COL6A1: variants seen among roughly 807,000 people sequenced by gnomAD.
COL6A1 encodes collagen type VI alpha 1 chain, also known as collagen alpha-1(VI) chain.
COL6A1 carries 80 observed loss-of-function variants against 145.6 expected under a neutral mutation model. The observed-to-expected ratio is 0.55, with a 90% CI of 0.46 to 0.66. The LOEUF (loss-of-function observed/expected upper bound fraction) is 0.66. Among genes scored for constraint, COL6A1 ranks in the 30% least tolerant of loss-of-function variants. COL6A1 has a pLI of 0.00. For synonymous variants in COL6A1, 638 were observed against 622.8 expected (o/e 1.02, Z -0.36); for missense variants, 1,364 against 1,473.8 (o/e 0.93, Z 1.22).
At chr21:45,999,900 G>GACATGTGAGGATCATGGAGGGC (rs2077829631) in intron 27 of COL6A1, among the ~76,000 whole-genome samples, 1 of 65,286 alleles carries the variant, frequency 1.5e-5, no homozygotes, top group Non-Finnish European at 3.3e-5. Flanking sequence ...CCATAGAGGG[G>GACATGTGAGGATCATGGAGGGC]ACATGTGAGG....
chr21:45,986,976 C>A lies in COL6A1; in HGVS notation c.621C>A (p.His207Gln), dbSNP rs866987981. The A allele has an allele frequency of 1.0e-5, 16 of 1,552,280 alleles. No individual in the cohort carries two copies. In the African/African-American group the frequency reaches 1.8e-4, roughly 17 times the overall value. Residue 207 changes from histidine (H) to glutamine (Q), a missense_variant, in exon 5 of 35, where the codon CAC (histidine) becomes CAA (glutamine). By Grantham distance (24) the His-to-Gln change is conservative. This residue lies in a region of COL6A1 where 414 missense variants were observed against 437.6 expected (regional missense o/e 0.95). Transcript: ENST00000361866. ...GTCTGAGCATCATCGCCACGGACCA[C>A]ACGTACCGGCGCAACTTCACGGCGG... is the stretch of plus-strand genomic sequence containing the variant. Reference protein sequence around the residue: ...EPRLSIIATDHTYRRNFTAAD... With the variant: ...EPRLSIIATDQTYRRNFTAAD...
Position 45,997,765 on chromosome 21 carries a change from G to A in COL6A1, c.1524+3G>A. On this transcript the variant is annotated splice_donor_region_variant and intron_variant, in intron 22 of 34. Coordinates refer to ENST00000361866, the MANE Select transcript of COL6A1 (RefSeq NM_001848.3). ...ACCCGGGGCTGATGGGTGAAAGGGT[G>A]AGTGTCCAACAGCTCGGGCCCTAGG... 6.3e-7 allele frequency: 1 copy of A among 1,587,598 alleles called. No individual in the cohort carries two copies. The highest frequency in any genetic ancestry group is 8.6e-7 in the Non-Finnish European group (1 of 1,167,122).
rs938942835 is a variant in COL6A1 at position 45,981,782 on chromosome 21, C to A, written c.-69C>A. 1.1e-5 allele frequency: 13 copies of A among 1,236,920 alleles called. No individual in the cohort carries two copies. The highest frequency in any genetic ancestry group is 2.7e-5 in the South Asian group (2 of 74,104). The allele number at this position is 1,236,920 out of a possible 1,614,324, so 76.6% of individuals were successfully genotyped here. ...TCTGGCTGGGAGCAGAAGGCAGCCT[C>A]GGTCTCTGGGCGGCGGCGGCGGCCC... On this transcript the variant is annotated 5_prime_UTR_variant, in exon 1 of 35. Coordinates refer to ENST00000361866, the MANE Select transcript of COL6A1 (RefSeq NM_001848.3).
chr21:45,998,657 G>A (rs551650396), intron 24 of COL6A1, among the ~76,000 whole-genome samples: 6 of 152,266 alleles, frequency 3.9e-5, no homozygotes, highest in East Asian at 1.9e-4. Context: ...GTCTCCTCAC[G>A]GCCCTGACTG....
chr21:46,000,704 A>G, intron 28 of COL6A1, 55 bp from the exon 29 acceptor site: 1 of 1,613,372 alleles, frequency 6.2e-7, no homozygotes, highest in Non-Finnish European at 8.5e-7. Flanking sequence ...AGCCTTTCTG[A>G]CGTGCGCAGG....
intron 30 of COL6A1, 47 bp from the exon 31 acceptor site, chr21:46,001,914 G>A (rs750193174): frequency 1.9e-5 from 29 of 1,548,624 alleles, no homozygotes; most frequent in African/African-American, 6.8e-5. Context: ...AAGCTTATGC[G>A]GACCTGGGGC....
Position 46,003,982 on chromosome 21 carries a change from A to G in COL6A1, c.3056A>G (p.Gln1019Arg), listed in dbSNP as rs751518356. The change falls in exon 35 of 35, where the codon CAG becomes CGG. Residue 1019 changes from glutamine to arginine, a missense_variant. This residue lies in a region of COL6A1 where 938 missense variants were observed against 1,003.8 expected (regional missense o/e 0.93). Coordinates refer to ENST00000361866, the MANE Select transcript of COL6A1 (RefSeq NM_001848.3). ...YQALLRGVFHQTVSRKVALG is the reference protein window; with the variant it reads ...YQALLRGVFHRTVSRKVALG ...GCCCTGCTCCGCGGTGTCTTCCACC[A>G]GACAGTCTCCAGGAAGGTGGCGCTG... is the stretch of plus-strand genomic sequence containing the variant. The G allele has an allele frequency of 3.5e-5, 57 of 1,613,000 alleles. No individual in the cohort carries two copies. The highest frequency in any genetic ancestry group is 4.7e-5 in the Non-Finnish European group (55 of 1,180,008).
At chr21:45,992,315 C>T (rs1387805084) in intron 17 of COL6A1, 48 bp from the exon 18 acceptor site, 7 of 1,613,672 alleles carry the variant, frequency 4.3e-6, no homozygotes, top group Admixed American at 3.3e-5. Context: ...AGACCAAATG[C>T]AGTGTGTCCA....
Position 45,994,544 on chromosome 21 carries a change from G to T in COL6A1, c.1398+315G>T, listed in dbSNP as rs1169774841. 6.6e-6 allele frequency among the ~76,000 whole-genome samples: 1 copy of T among 152,120 alleles called. No individual in the cohort carries two copies. The highest frequency in any genetic ancestry group is 2.4e-5 in the African/African-American group (1 of 41,408). The stretch of plus-strand genomic sequence containing the variant: ...CTCACAGTGAGGAAGAGGTGTTGGA[G>T]CCCCTGGGAGACACTGGGAGCTTGG... On this transcript the variant is annotated intron_variant, in intron 20 of 34. Coordinates refer to ENST00000361866, the MANE Select transcript of COL6A1 (RefSeq NM_001848.3). This position sits in a 1 kb window ranked among gnomAD's most constrained non-coding sequence, Gnocchi z 6.8.
chr21:45,987,245 C>T lies in COL6A1; in HGVS notation c.738+70C>T, dbSNP rs1008540059. On this transcript the variant is annotated intron_variant, in intron 6 of 34. Transcript: ENST00000361866. ...CCACCCACACGTCCACCTGTGTGTT[C>T]AGGACGCATGTCCCTATGCATATCC... The T allele has an allele frequency of 4.4e-6, 7 of 1,573,848 alleles. No individual in the cohort carries two copies. In the African/African-American group the frequency reaches 9.4e-5, roughly 21 times the overall value.
At chr21:46,000,922 A>G (rs1485121533) in intron 29 of COL6A1, 155 bp downstream of exon 29, 23 of 994,804 alleles carry the variant, frequency 2.3e-5, no homozygotes, top group South Asian at 5.2e-5. Context: ...GCTCCAAGCC[A>G]GCAGGGTTCC....
chr21:45,991,444 G>A (rs1262140583), intron 15 of COL6A1, among the ~76,000 whole-genome samples: 3 of 151,982 alleles, frequency 2.0e-5, no homozygotes, highest in South Asian at 2.1e-4. Flanking sequence ...GTGAGCGGGG[G>A]CGGGAGGAGG....
intron 2 of COL6A1, among the ~76,000 whole-genome samples, chr21:45,983,418 C>T (rs2077719673): frequency 1.3e-5 from 2 of 152,122 alleles, no homozygotes; most frequent in South Asian, 4.2e-4. Context: ...TAGAACGGGG[C>T]TCCCCCACTG....
At chr21:45,986,853 C>G in intron 4 of COL6A1, 91 bp from the exon 5 acceptor site, 1 of 1,529,006 alleles carries the variant, frequency 6.5e-7, no homozygotes, top group South Asian at 1.2e-5. Flanking sequence ...CTGGAGCGCC[C>G]CAGCCCAGCC....
chr21:45,984,234 G>T, intron 2 of COL6A1, 35 bp from the exon 3 acceptor site: 1 of 1,571,474 alleles, frequency 6.4e-7, no homozygotes, highest in Non-Finnish European at 8.6e-7. Context: ...GCCAGGGGCC[G>T]CCCGCCTCAC....
rs993223888 is a variant in COL6A1 at position 45,992,283 on chromosome 21, C to T, written c.1236+66C>T. 1.4e-5 allele frequency: 22 copies of T among 1,613,216 alleles called. No individual in the cohort carries two copies. In the African/African-American group the frequency reaches 1.6e-4, roughly 12 times the overall value. On this transcript the variant is annotated intron_variant, in intron 17 of 34. Coordinates refer to ENST00000361866, the MANE Select transcript of COL6A1 (RefSeq NM_001848.3). ...GCCTCAGCTTCTGATCCTCTTTGCT[C>T]GGGGTCTACTCCACGTCCCTGAGAC...
intron 17 of COL6A1, 45 bp downstream of exon 17, chr21:45,992,262 C>T: frequency 1.2e-6 from 2 of 1,613,646 alleles, no homozygotes; most frequent in Non-Finnish European, 1.7e-6. Flanking sequence ...TGCATGGCCT[C>T]AGCTTCTGAT....
At chr21:45,999,107 G>A (rs1168956119) in intron 25 of COL6A1, 46 bp from the exon 26 acceptor site, 26 of 1,557,600 alleles carry the variant, frequency 1.7e-5, no homozygotes, top group Non-Finnish European at 2.1e-5. Flanking sequence ...GCGCGCAGAT[G>A]CCCGGGTGGT....
At chr21:45,998,035 G>A (rs1026399505) in intron 22 of COL6A1, 86 bp from the exon 23 acceptor site, 29 of 1,522,460 alleles carry the variant, frequency 1.9e-5, no homozygotes, top group East Asian at 2.4e-5. Flanking sequence ...GGGGCCCTGC[G>A]GGTGAGGTGC....
Sources: gnomAD v4.1 joint callset for allele counts (sites outside exome capture counted in the v4.1 genomes callset) on GRCh38, gnomAD v4.1.1 for gene constraint, gnomAD v4.1.1 regional missense constraint, Gnocchi (gnomAD v3.1) non-coding constraint, MANE v1.5 for transcripts, NCBI Gene and HGNC (gene_info 2026-07-23, HGNC 2026-07-21) for gene names.